Variants in PITPNM2 observed in about 807,000 individuals in gnomAD.
PITPNM2 encodes membrane-associated phosphatidylinositol transfer protein 2.
Under a neutral mutation model 132.2 loss-of-function variants are expected in PITPNM2, and 35 were observed. That is an observed-to-expected ratio of 0.26 (90% confidence interval 0.20 to 0.35). The LOEUF (loss-of-function observed/expected upper bound fraction) is 0.35, where lower values mean the gene tolerates loss of function less well. Among genes scored for constraint, PITPNM2 ranks in the 10% least tolerant of loss-of-function variants. PITPNM2 has a pLI of 1.00. For synonymous variants in PITPNM2, 738 were observed against 799.2 expected (o/e 0.92, Z 1.29); for missense variants, 1,332 against 1,912.0 (o/e 0.70, Z 5.66).
chr12:123,029,076 C>T (rs371665646), intron 3 of PITPNM2, among the ~76,000 whole-genome samples: 1 of 152,176 alleles, frequency 6.6e-6, no homozygotes, highest in Non-Finnish European at 1.5e-5. Flanking sequence ...CCAATGCTGC[C>T]TCCTCCCCAA....
chr12:123,070,088 C>T (rs1366194222), intron 2 of PITPNM2, among the ~76,000 whole-genome samples: 1 of 152,202 alleles, frequency 6.6e-6, no homozygotes, highest in East Asian at 1.9e-4. Context: ...TAAGATACAG[C>T]CCAGGGACAG....
At chr12:123,104,662 A>G (rs912884591) in intron 2 of PITPNM2, among the ~76,000 whole-genome samples, 24 of 151,686 alleles carry the variant, frequency 1.6e-4, no homozygotes, top group Non-Finnish European at 2.5e-4. Flanking sequence ...TACCTACCCA[A>G]ATCTTATAAA....
Position 122,987,888 on chromosome 12 carries a change from T to C in PITPNM2, c.3011A>G (p.Asn1004Ser). 6.2e-7 allele frequency: 1 copy of C among 1,612,196 alleles called. No homozygotes were observed. The highest frequency in any genetic ancestry group is 8.5e-7 in the Non-Finnish European group (1 of 1,179,064). The change falls in exon 21 of 26, where the codon AAC (asparagine) becomes AGC (serine). Residue 1004 changes from asparagine to serine, a missense_variant. Coordinates refer to ENST00000320201, the MANE Select transcript of PITPNM2 (RefSeq NM_020845.3). ...THVKLRNVTA[N>S]HRINDALANE... is the part of the protein sequence containing the mutation. ...GGCAAGGGCATCATTGATCCGGTGG[T>C]TGGCCGTCACGTTCTGTGGAGGGAG...
At chr12:123,118,389 G>C (rs2042969615) in intron 1 of PITPNM2, among the ~76,000 whole-genome samples, 1 of 152,118 alleles carries the variant, frequency 6.6e-6, no homozygotes, top group Non-Finnish European at 1.5e-5. Context: ...CACCAAACAT[G>C]AGATGAGCAA....
intron 2 of PITPNM2, among the ~76,000 whole-genome samples, chr12:123,046,224 C>T (rs1022691711): frequency 2.6e-5 from 4 of 152,060 alleles, no homozygotes; most frequent in African/African-American, 9.7e-5. Flanking sequence ...TGAATGGCCC[C>T]CTCCTGAAAA....
chr12:123,088,562 G>A (rs1284539203), intron 2 of PITPNM2: 2 of 152,226 alleles, frequency 1.3e-5, no homozygotes, highest in African/African-American at 2.4e-5. Flanking sequence ...GGTGGTGTGG[G>A]GCTTTTGAGA....
chr12:122,991,904 G>A (rs2136084337), intron 16 of PITPNM2: 1 of 1,309,348 alleles, frequency 7.6e-7, no homozygotes, highest in Middle Eastern at 2.0e-4. Context: ...CTCGACTGGA[G>A]GCAGACGGGG....
rs1480653041 is a variant in PITPNM2, at chr12:122,993,282, G to A, written c.2234-613C>T. Among the ~76,000 whole-genome samples the A allele has an allele frequency of 1.3e-5, 2 of 152,176 alleles. No individual in the cohort carries two copies. The highest frequency in any genetic ancestry group is 1.3e-4 in the Admixed American group (2 of 15,278). ...TCTTGCGGGAGCACCACCGAGTGCT[G>A]GCTAGGGCAGCCCTGCCCTGCCTGT... On this transcript the variant is annotated intron_variant, in intron 15 of 25. Coordinates refer to ENST00000320201, the MANE Select transcript of PITPNM2 (RefSeq NM_020845.3). This position sits in a 1 kb window ranked among gnomAD's most constrained non-coding sequence, Gnocchi z 5.2.
intron 2 of PITPNM2, chr12:123,091,255 G>A (rs1310227551): frequency 1.3e-5 from 2 of 152,232 alleles, no homozygotes; most frequent in Non-Finnish European, 2.9e-5. Context: ...GTGCCTAAGC[G>A]ATCTGTGGCT....
At chr12:123,146,306 A>G (rs2043617309) in intron 1 of PITPNM2, among the ~76,000 whole-genome samples, 1 of 152,302 alleles carries the variant, frequency 6.6e-6, no homozygotes, top group South Asian at 2.1e-4. Context: ...TGAACTTAAA[A>G]GTTAACAGCT....
chr12:123,069,942 T>G (rs931070246), intron 2 of PITPNM2, among the ~76,000 whole-genome samples: 2 of 152,144 alleles, frequency 1.3e-5, no homozygotes. Flanking sequence ...AAAAGCCAGA[T>G]GCAATGCACT....
At chr12:123,032,033 T>C (rs2040110069) in intron 3 of PITPNM2, among the ~76,000 whole-genome samples, 1 of 152,194 alleles carries the variant, frequency 6.6e-6, no homozygotes. Context: ...GCCACAATCC[T>C]AATCAATGGA....
chr12:123,137,905 A>AAAAG (rs2043417542), intron 1 of PITPNM2, among the ~76,000 whole-genome samples: 1 of 150,194 alleles, frequency 6.7e-6, no homozygotes. Context: ...AAAAAAAAAA[A>AAAAG]AAGAAGAAGA....
chr12:123,116,186 G>A (rs896000686), intron 1 of PITPNM2, among the ~76,000 whole-genome samples: 1 of 152,172 alleles, frequency 6.6e-6, no homozygotes, highest in Non-Finnish European at 1.5e-5. Flanking sequence ...AGCTTAGGGA[G>A]GCCTGGCTAA....
chr12:123,126,564 C>A (rs569532904), intron 1 of PITPNM2, among the ~76,000 whole-genome samples: 103 of 152,288 alleles, frequency 6.8e-4, no homozygotes, highest in African/African-American at 2.3e-3. Context: ...CAAAACCACA[C>A]TGAGTGAGTA....
chr12:123,027,218 G>A (rs1028465859), intron 3 of PITPNM2, among the ~76,000 whole-genome samples: 11 of 152,090 alleles, frequency 7.2e-5, no homozygotes, highest in African/African-American at 2.7e-4. Flanking sequence ...ACTTTCCCCA[G>A]TGTATGGTGA....
intron 2 of PITPNM2, chr12:123,089,602 T>G (rs2042205880): frequency 1.3e-5 from 2 of 152,198 alleles, no homozygotes; most frequent in South Asian, 4.2e-4. Context: ...GAATTTTTCC[T>G]CCCATACTCA....
chr12:123,046,783 C>A (rs766913820), intron 2 of PITPNM2, among the ~76,000 whole-genome samples: 1 of 152,128 alleles, frequency 6.6e-6, no homozygotes, highest in Non-Finnish European at 1.5e-5. Context: ...CTTTTTATGA[C>A]TGAATAATAT....
At chr12:123,107,380 G>C (rs2042742626) in intron 2 of PITPNM2, among the ~76,000 whole-genome samples, 1 of 152,170 alleles carries the variant, frequency 6.6e-6, no homozygotes, top group South Asian at 2.1e-4. Flanking sequence ...TCCTTGGCTG[G>C]GACCCTCCTC....
Sources: allele counts gnomAD v4.1 joint callset (sites outside exome capture counted in the v4.1 genomes callset), GRCh38; gene constraint gnomAD v4.1.1; non-coding constraint Gnocchi (gnomAD v3.1); transcripts MANE v1.5; gene names NCBI Gene and HGNC (gene_info 2026-07-23, HGNC 2026-07-21).